The following PTPRD variants were observed in gnomAD, a reference collection of about 807,000 sequenced individuals.
PTPRD encodes the protein protein tyrosine phosphatase receptor type D.
A neutral mutation model predicts 214.5 loss-of-function variants in PTPRD; 34 were observed. The ratio of observed to expected loss-of-function variants is 0.16; its 90% CI spans 0.12 to 0.21. PTPRD has a LOEUF of 0.21. Among genes scored for constraint, PTPRD ranks in the 10% least tolerant of loss-of-function variants. The pLI, the probability that PTPRD is intolerant of heterozygous loss-of-function variation, is 1.00. For missense variants in PTPRD, 2,545 were observed against 2,398.7 expected (o/e 1.06, Z -1.27); for synonymous variants, 1,128 against 845.7 (o/e 1.33, Z -5.79).
chr9:10,187,729 C>T (rs546177530), intron 3 of PTPRD, among the ~76,000 whole-genome samples: 149 of 152,300 alleles, frequency 9.8e-4, no homozygotes, highest in African/African-American at 3.4e-3. Context: ...TGCTCCTCTG[C>T]TTTCATGGGT....
At chr9:8,662,080 CT>C (rs1299222617) in intron 12 of PTPRD, among the ~76,000 whole-genome samples, 3 of 152,124 alleles carry the variant, frequency 2.0e-5, no homozygotes, top group South Asian at 2.1e-4. Flanking sequence ...CCAGAGCCAA[CT>C]TTTTTTTGTT....
At position 9,651,863 on chromosome 9, in the gene PTPRD, C is replaced by A. The variant is rs189852258; in HGVS notation, c.-286-77082G>T. ...TTTTTTTTTTTTTTTTTAATGGAGT[C>A]TCGCTCTGTCACCCAGGCTGGAGTG... On this transcript the variant is annotated intron_variant, in intron 7 of 45. Transcript: ENST00000381196. Among the ~76,000 whole-genome samples, 658 of 107,228 alleles carry A rather than the reference C, an allele frequency of 6.1e-3. 6 individuals are homozygous for A. The highest frequency in any genetic ancestry group is 0.023 in the African/African-American group (637 of 27,572). The allele number at this position is 107,228 out of a possible 152,430, so 70.3% of individuals were successfully genotyped here.
intron 8 of PTPRD, among the ~76,000 whole-genome samples, chr9:9,440,877 T>G (rs145448204): frequency 2.0e-5 from 3 of 152,294 alleles, no homozygotes; most frequent in African/African-American, 7.2e-5. Flanking sequence ...GAGTTTAGAA[T>G]GCGGAATATT....
intron 7 of PTPRD, among the ~76,000 whole-genome samples, chr9:9,720,059 G>T (rs2097909489): frequency 6.6e-6 from 1 of 152,144 alleles, no homozygotes; most frequent in Non-Finnish European, 1.5e-5. Context: ...ATCAAAGACT[G>T]CAAGGCTGAG....
At position 10,588,209 on chromosome 9, in the gene PTPRD, TTAA is replaced by T. The variant is rs1246867097; in HGVS notation, c.-600+24186_-600+24188del. Among the ~76,000 whole-genome samples the T allele has an allele frequency of 4.6e-5, 7 of 152,196 alleles. No individual in the cohort carries two copies. In the East Asian group the frequency reaches 1.2e-3, roughly 25 times the overall value. On this transcript the variant is annotated intron_variant, in intron 2 of 45. Transcript: ENST00000381196. ...AGTTCAAAGAGATGTCAATGACAAA[TTAA>T]TGAGTGCTCTCAGTTTTATAGTTGC...
intron 8 of PTPRD, among the ~76,000 whole-genome samples, chr9:9,537,256 G>A (rs1488581324): frequency 2.0e-5 from 3 of 151,562 alleles, no homozygotes; most frequent in Admixed American, 2.0e-4. Flanking sequence ...TATTTTTATA[G>A]AAAAAAACGA....
At chr9:9,058,564 C>T (rs2099701032) in intron 10 of PTPRD, among the ~76,000 whole-genome samples, 1 of 148,548 alleles carries the variant, frequency 6.7e-6, no homozygotes, top group Middle Eastern at 3.5e-3. Context: ...ATTCTCCTGC[C>T]TCAGCCTCCC....
intron 21 of PTPRD, among the ~76,000 whole-genome samples, chr9:8,515,178 A>G (rs2097762114): frequency 6.6e-6 from 1 of 152,228 alleles, no homozygotes; most frequent in Admixed American, 6.5e-5. Context: ...TTTTGCACTT[A>G]GTAACCTTAC....
chr9:8,319,202 C>A (rs1005925300), intron 45 of PTPRD, among the ~76,000 whole-genome samples: 2 of 151,966 alleles, frequency 1.3e-5, no homozygotes, highest in African/African-American at 4.8e-5. Flanking sequence ...AATTTGGTGG[C>A]CTTTTGCAGA....
intron 12 of PTPRD, among the ~76,000 whole-genome samples, chr9:8,678,173 C>T (rs909253348): frequency 8.5e-5 from 13 of 152,130 alleles, no homozygotes; most frequent in Non-Finnish European, 1.8e-4. Context: ...CTTGTTAGAG[C>T]GCACAGGGAA....
At chr9:9,325,739 A>T (rs1392714902) in intron 9 of PTPRD, among the ~76,000 whole-genome samples, 1 of 152,086 alleles carries the variant, frequency 6.6e-6, no homozygotes, top group Non-Finnish European at 1.5e-5. Flanking sequence ...GTTGAATAGG[A>T]GTGGTGAGAG....
At chr9:10,545,068 C>T (rs931605346) in intron 2 of PTPRD, among the ~76,000 whole-genome samples, 7 of 152,058 alleles carry the variant, frequency 4.6e-5, no homozygotes, top group Non-Finnish European at 8.8e-5. Flanking sequence ...GCATTAGAGA[C>T]GTATTTTACT....
chr9:9,311,977 T>C (rs1959154980), intron 9 of PTPRD, among the ~76,000 whole-genome samples: 1 of 152,228 alleles, frequency 6.6e-6, no homozygotes, highest in African/African-American at 2.4e-5. Flanking sequence ...ATGCTAAATG[T>C]AGCAATATAC....
chr9:8,618,896 G>GTTTTTT (rs34636829), intron 14 of PTPRD, among the ~76,000 whole-genome samples: 1 of 122,830 alleles, frequency 8.1e-6, no homozygotes, highest in African/African-American at 3.2e-5. Context: ...GTGTGTGTGT[G>GTTTTTT]TTTGTCTGTG....
At chr9:10,178,562 G>C (rs914294569) in intron 3 of PTPRD, among the ~76,000 whole-genome samples, 1 of 151,960 alleles carries the variant, frequency 6.6e-6, no homozygotes, top group Non-Finnish European at 1.5e-5. Context: ...CAGATGAACA[G>C]TATAGCAAAA....
intron 3 of PTPRD, among the ~76,000 whole-genome samples, chr9:10,239,981 G>A (rs975103506): frequency 1.3e-5 from 2 of 151,880 alleles, no homozygotes; most frequent in Admixed American, 1.3e-4. Context: ...GCCATTAAGA[G>A]ATTAAGACCT....
chr9:9,221,093 A>T (rs1051933870), intron 9 of PTPRD, among the ~76,000 whole-genome samples: 3 of 152,138 alleles, frequency 2.0e-5, no homozygotes, highest in African/African-American at 7.2e-5. Context: ...TCAACCAGGT[A>T]CAACTTTTTT....
At chr9:9,877,895 C>T (rs1373106501) in intron 5 of PTPRD, among the ~76,000 whole-genome samples, 2 of 150,656 alleles carry the variant, frequency 1.3e-5, no homozygotes, top group South Asian at 4.2e-4. Context: ...ATTGCTTTAC[C>T]CCGGGAGGTG....
intron 36 of PTPRD, among the ~76,000 whole-genome samples, chr9:8,396,681 A>T (rs1299530814): frequency 1.3e-5 from 2 of 152,136 alleles, no homozygotes; most frequent in Non-Finnish European, 1.5e-5. Flanking sequence ...TTTTCCGGGT[A>T]AGAAACATCA....
Sources: allele counts gnomAD v4.1 joint callset (sites outside exome capture counted in the v4.1 genomes callset), GRCh38; gene constraint gnomAD v4.1.1; transcripts MANE v1.5; gene names NCBI Gene and HGNC (gene_info 2026-07-23, HGNC 2026-07-21).